GULP1: variants seen among roughly 807,000 people sequenced by gnomAD.
The protein encoded by GULP1 is PTB domain-containing engulfment adapter protein 1.
GULP1 carries 19 observed loss-of-function variants against 40.9 expected under a neutral mutation model. That is an observed-to-expected ratio of 0.46 (90% confidence interval 0.32 to 0.68). GULP1 has a LOEUF of 0.68. Ranked by LOEUF, GULP1 falls within the 30% of genes least tolerant of loss-of-function variation. The pLI is 0.03. For synonymous variants in GULP1, 119 were observed against 117.6 expected, an observed-to-expected ratio of 1.01 and a Z score of -0.08; for missense variants, 312 against 362.2, an observed-to-expected ratio of 0.86 and a Z score of 1.12.
chr2:188,433,706 A>G (rs1384933238), intron 2 of GULP1, among the ~76,000 whole-genome samples: 2 of 152,090 alleles, frequency 1.3e-5, no homozygotes, highest in Non-Finnish European at 2.9e-5. Context: ...GGTGCCAATT[A>G]ATGCTGATGA....
At chr2:188,439,677 A>G (rs1197702750) in intron 2 of GULP1, among the ~76,000 whole-genome samples, 1 of 152,096 alleles carries the variant, frequency 6.6e-6, no homozygotes, top group East Asian at 1.9e-4. Context: ...TGGTGGTAGG[A>G]GGTAACTGGG....
chr2:188,495,218 G>C (rs1314194914), intron 4 of GULP1, among the ~76,000 whole-genome samples: 2 of 152,054 alleles, frequency 1.3e-5, no homozygotes, highest in Non-Finnish European at 2.9e-5. Context: ...CTGAGGAAAT[G>C]TAAAGAGGGA....
intron 3 of GULP1, among the ~76,000 whole-genome samples, chr2:188,481,795 T>C (rs2061464744): frequency 6.6e-6 from 1 of 151,954 alleles, no homozygotes; most frequent in South Asian, 2.1e-4. Context: ...AAAGGAGAAA[T>C]TGGACATCTT....
At chr2:188,588,142 T>A in intron 11 of GULP1, 193 bp downstream of exon 11, 1 of 588,452 alleles carries the variant, frequency 1.7e-6, no homozygotes, top group Non-Finnish European at 3.1e-6. Context: ...GATAAGGTTG[T>A]TGGTTTTTTA....
Position 188,425,831 on chromosome 2 carries a change from T to C in GULP1, c.-45+41942T>C, listed in dbSNP as rs139324709. 2.4e-3 allele frequency among the ~76,000 whole-genome samples: 370 copies of C among 152,336 alleles called. 1 individual carries two copies. Among genetic ancestry groups the C allele is most frequent in the African/African-American group, 8.5e-3 (353 of 41,582 alleles). ...CAAATTATTATGTTTTAACATCACA[T>C]GAAATAGCTCCTGTCTCAATGCTTA... On this transcript the variant is annotated intron_variant, in intron 2 of 11. Coordinates refer to ENST00000409830, the MANE Select transcript of GULP1 (RefSeq NM_016315.4).
At chr2:188,485,019 G>A (rs2061743492) in intron 4 of GULP1, among the ~76,000 whole-genome samples, 1 of 151,944 alleles carries the variant, frequency 6.6e-6, no homozygotes, top group African/African-American at 2.4e-5. Context: ...TTAGCTATTG[G>A]TATACTATAT....
chr2:188,379,659 A>G (rs1040424506), intron 1 of GULP1, among the ~76,000 whole-genome samples: 10 of 152,210 alleles, frequency 6.6e-5, no homozygotes, highest in African/African-American at 2.4e-4. Flanking sequence ...TCATACTTCC[A>G]TCACCTTTAG....
intron 1 of GULP1, among the ~76,000 whole-genome samples, chr2:188,368,540 C>G (rs2047108831): frequency 6.6e-6 from 1 of 151,942 alleles, no homozygotes; most frequent in Non-Finnish European, 1.5e-5. Flanking sequence ...GAGATAACAC[C>G]ACTGCACTCC....
chr2:188,479,557 C>T (rs562510922), intron 3 of GULP1, among the ~76,000 whole-genome samples: 2 of 152,170 alleles, frequency 1.3e-5, no homozygotes, highest in East Asian at 1.9e-4. Flanking sequence ...GGATTATAGG[C>T]GGGAGCCACT....
At chr2:188,433,440 G>A (rs370295663) in intron 2 of GULP1, among the ~76,000 whole-genome samples, 36 of 152,186 alleles carry the variant, frequency 2.4e-4, no homozygotes, top group African/African-American at 7.7e-4. Flanking sequence ...AGAGAAAAAG[G>A]CAATGGAGAA....
chr2:188,350,419 T>C (rs187177705), intron 1 of GULP1, among the ~76,000 whole-genome samples: 82 of 152,244 alleles, frequency 5.4e-4, no homozygotes, highest in African/African-American at 1.9e-3. Flanking sequence ...TTTTGTTACA[T>C]TTATTTTATG....
rs557072039 is a variant in GULP1, at chr2:188,564,735, T to C, written c.400-4504T>C. 9.2e-5 allele frequency among the ~76,000 whole-genome samples: 14 copies of C among 152,070 alleles called. 2 individuals carry two copies. The South Asian group carries it at 2.9e-3, about 31-fold the overall frequency. The stretch of plus-strand genomic sequence containing the variant: ...AAAAGTTATTTCTAATAAGGTAATG[T>C]AAATTACCTAGAACAAAAACAAATT... On this transcript the variant is annotated intron_variant, in intron 7 of 11. Transcript: ENST00000409830.
intron 1 of GULP1, among the ~76,000 whole-genome samples, chr2:188,359,581 C>T (rs889881907): frequency 6.6e-6 from 1 of 152,084 alleles, no homozygotes; most frequent in Non-Finnish European, 1.5e-5. Context: ...TCAAGTTAGT[C>T]TCATGGGAAA....
At chr2:188,340,320 A>G (rs1202623871) in intron 1 of GULP1, among the ~76,000 whole-genome samples, 2 of 152,210 alleles carry the variant, frequency 1.3e-5, no homozygotes, top group African/African-American at 2.4e-5. Context: ...TGCAGGAAAT[A>G]TGGTACTGGT....
chr2:188,356,101 A>G (rs1285809722), intron 1 of GULP1, among the ~76,000 whole-genome samples: 1 of 152,026 alleles, frequency 6.6e-6, no homozygotes, highest in Non-Finnish European at 1.5e-5. Context: ...TAGAAAAGCT[A>G]AATTATTTTA....
chr2:188,441,621 A>C (rs1472585777), intron 2 of GULP1, among the ~76,000 whole-genome samples: 1 of 152,178 alleles, frequency 6.6e-6, no homozygotes, highest in Non-Finnish European at 1.5e-5. Flanking sequence ...GATATGTAAA[A>C]GAGGGAGCCT....
At chr2:188,517,408 G>A (rs2065279930) in intron 4 of GULP1, among the ~76,000 whole-genome samples, 1 of 151,636 alleles carries the variant, frequency 6.6e-6, no homozygotes, top group African/African-American at 2.4e-5. Flanking sequence ...TAGCATCCTG[G>A]TTTTATTATG....
intron 1 of GULP1, among the ~76,000 whole-genome samples, chr2:188,343,800 T>G (rs2043273725): frequency 6.6e-6 from 1 of 152,176 alleles, no homozygotes; most frequent in Non-Finnish European, 1.5e-5. Context: ...AACTTTTTAT[T>G]TTTATTTTTT....
At chr2:188,368,216 T>A (rs991195999) in intron 1 of GULP1, among the ~76,000 whole-genome samples, 3 of 152,188 alleles carry the variant, frequency 2.0e-5, no homozygotes, top group African/African-American at 7.2e-5. Flanking sequence ...TTTTTTGGTG[T>A]TGAGGGATCT....
Sources: allele counts gnomAD v4.1 joint callset (sites outside exome capture counted in the v4.1 genomes callset), GRCh38; gene constraint gnomAD v4.1.1; transcripts MANE v1.5; gene names NCBI Gene and HGNC (gene_info 2026-07-23, HGNC 2026-07-21).